Variants in GPC5 observed in about 807,000 individuals in gnomAD.
GPC5 encodes the protein glypican-5.
A neutral mutation model predicts 53.9 loss-of-function variants in GPC5; 47 were observed. That is an observed-to-expected ratio of 0.87 (90% confidence interval 0.69 to 1.11). The LOEUF is 1.11. Among genes scored for constraint, GPC5 ranks in the 50% most tolerant of loss-of-function variants. The pLI, the probability that GPC5 is intolerant of heterozygous loss-of-function variation, is 0.00. For synonymous variants in GPC5, 286 were observed against 263.3 expected (o/e 1.09, Z -0.84); for missense variants, 748 against 713.1 (o/e 1.05, Z -0.56).
intron 7 of GPC5, among the ~76,000 whole-genome samples, chr13:92,455,660 TA>T (rs1370290305): frequency 6.6e-6 from 1 of 152,164 alleles, no homozygotes; most frequent in Non-Finnish European, 1.5e-5. Flanking sequence ...CTGAGATTCT[TA>T]AAAAAACTAT....
At chr13:92,003,328 A>G (rs1366896262) in intron 6 of GPC5, among the ~76,000 whole-genome samples, 1 of 144,038 alleles carries the variant, frequency 6.9e-6, no homozygotes, top group South Asian at 2.2e-4. Context: ...CTTAACACAA[A>G]AAAAAAAAAA....
chr13:92,605,850 GA>G (rs951282557), intron 7 of GPC5, among the ~76,000 whole-genome samples: 2 of 150,842 alleles, frequency 1.3e-5, no homozygotes, highest in African/African-American at 4.9e-5. Context: ...GATAGGACTG[GA>G]AAAAAAAGAA....
chr13:92,490,110 G>A (rs1047748608), intron 7 of GPC5: 1 of 154,216 alleles, frequency 6.5e-6, no homozygotes, highest in African/African-American at 2.4e-5. Context: ...ATTGTTTCCC[G>A]AAAACTCCAA....
At chr13:92,003,092 C>A (rs768307150) in intron 6 of GPC5, among the ~76,000 whole-genome samples, 2 of 152,106 alleles carry the variant, frequency 1.3e-5, no homozygotes, top group Non-Finnish European at 1.5e-5. Flanking sequence ...GGGTGGATCA[C>A]CAAAGGTCTG....
At chr13:91,483,334 C>G (rs988357965) in intron 2 of GPC5, among the ~76,000 whole-genome samples, 24 of 152,032 alleles carry the variant, frequency 1.6e-4, no homozygotes, top group African/African-American at 5.8e-4. Flanking sequence ...TGTATGTTAG[C>G]GCTGGAATTG....
At chr13:92,284,742 C>G (rs1284460311) in intron 7 of GPC5, among the ~76,000 whole-genome samples, 1 of 152,096 alleles carries the variant, frequency 6.6e-6, no homozygotes, top group East Asian at 1.9e-4. Context: ...AGAAGTATCT[C>G]AAAATAATAA....
chr13:92,232,687 T>C (rs2042540010), intron 7 of GPC5, among the ~76,000 whole-genome samples: 1 of 152,118 alleles, frequency 6.6e-6, no homozygotes, highest in Admixed American at 6.6e-5. Flanking sequence ...TGAAATAGAG[T>C]ACTACTAAAA....
chr13:92,252,934 G>A (rs1259192044), intron 7 of GPC5, among the ~76,000 whole-genome samples: 1 of 152,062 alleles, frequency 6.6e-6, no homozygotes, highest in Non-Finnish European at 1.5e-5. Context: ...TCTAACATAT[G>A]GAATGGGCAT....
At chr13:91,948,017 AATGTCACGTGACC>A (rs1420154076) in intron 6 of GPC5, among the ~76,000 whole-genome samples, 1 of 152,034 alleles carries the variant, frequency 6.6e-6, no homozygotes, top group East Asian at 1.9e-4. Context: ...AGTGGTTACC[AATGTCACGTGACC>A]ATCCTGGCTA....
At chr13:91,787,479 G>A (rs1425194296) in intron 5 of GPC5, among the ~76,000 whole-genome samples, 1 of 152,060 alleles carries the variant, frequency 6.6e-6, no homozygotes, top group African/African-American at 2.4e-5. Flanking sequence ...ATTGGTTTAT[G>A]AATAAACCAA....
At chr13:92,666,897 A>C (rs1287034023) in intron 7 of GPC5, among the ~76,000 whole-genome samples, 1 of 152,178 alleles carries the variant, frequency 6.6e-6, no homozygotes, top group African/African-American at 2.4e-5. Flanking sequence ...TATTCCCCTC[A>C]TAGTTGCTTC....
At chr13:91,510,456 C>T (rs1885176428) in intron 2 of GPC5, among the ~76,000 whole-genome samples, 1 of 152,104 alleles carries the variant, frequency 6.6e-6, no homozygotes, top group African/African-American at 2.4e-5. Flanking sequence ...CCACTGATAA[C>T]CATAATGCCA....
intron 7 of GPC5, among the ~76,000 whole-genome samples, chr13:92,652,405 T>C (rs1885987627): frequency 1.3e-5 from 2 of 152,166 alleles, no homozygotes; most frequent in East Asian, 3.9e-4. Context: ...TTAGTTACCC[T>C]GTATTTTTTT....
intron 6 of GPC5, among the ~76,000 whole-genome samples, chr13:92,078,457 C>T (rs1393758246): frequency 6.6e-6 from 1 of 152,172 alleles, no homozygotes; most frequent in Non-Finnish European, 1.5e-5. Flanking sequence ...AGAATCATAG[C>T]TGTTAATACA....
chr13:91,516,480 T>A (rs998042856), intron 2 of GPC5, among the ~76,000 whole-genome samples: 2 of 152,156 alleles, frequency 1.3e-5, no homozygotes, highest in Non-Finnish European at 1.5e-5. Flanking sequence ...AAGAGGTGGG[T>A]TTCCATGGTC....
chr13:91,470,953 T>C (rs1214947547), intron 2 of GPC5, among the ~76,000 whole-genome samples: 1 of 152,160 alleles, frequency 6.6e-6, no homozygotes, highest in East Asian at 1.9e-4. Context: ...ATCATCAACA[T>C]ACTGTTGAAG....
At chr13:91,960,447 C>A (rs986268573) in intron 6 of GPC5, among the ~76,000 whole-genome samples, 1 of 151,836 alleles carries the variant, frequency 6.6e-6, no homozygotes, top group Non-Finnish European at 1.5e-5. Context: ...GAAAGACATC[C>A]CTTGCTTTCC....
At chr13:92,655,321 A>AC (rs1886091165) in intron 7 of GPC5, among the ~76,000 whole-genome samples, 1 of 135,996 alleles carries the variant, frequency 7.4e-6, no homozygotes, top group Admixed American at 7.4e-5. Flanking sequence ...TTATTTATTT[A>AC]TTTATTTATT....
chr13:91,463,672 C>T (rs1195938296), intron 2 of GPC5, among the ~76,000 whole-genome samples: 1 of 152,014 alleles, frequency 6.6e-6, no homozygotes, highest in African/African-American at 2.4e-5. Flanking sequence ...GGTACAAAGG[C>T]TATTCAATGG....
Sources: gnomAD v4.1 joint callset for allele counts (sites outside exome capture counted in the v4.1 genomes callset) on GRCh38, gnomAD v4.1.1 for gene constraint, MANE v1.5 for transcripts, NCBI Gene and HGNC (gene_info 2026-07-23, HGNC 2026-07-21) for gene names.